XAF1: variants seen among roughly 807,000 people sequenced by gnomAD.
XAF1 encodes the protein XIAP-associated factor 1.
Under a neutral mutation model 32.3 loss-of-function variants are expected in XAF1, and 32 were observed. That is an observed-to-expected ratio of 0.99 (90% CI 0.75 to 1.33). The LOEUF is 1.33. XAF1 is among the 40% of genes most tolerant of loss of function. The probability of loss-of-function intolerance (pLI) is 0.00; values close to 1 mark genes in which losing one functional copy is unlikely to be tolerated. For missense variants in XAF1, 379 were observed against 366.0 expected (o/e 1.04, Z -0.29); for synonymous variants, 120 against 125.9 (o/e 0.95, Z 0.31).
At chr17:6,759,890 G>A in intron 3 of XAF1, 172 bp downstream of exon 3, 2 of 1,117,872 alleles carry the variant, frequency 1.8e-6, no homozygotes, top group Non-Finnish European at 2.6e-6. Flanking sequence ...AGGTTCTCCT[G>A]TCCCCCAGAT....
chr17:6,758,000 G>T, intron 1 of XAF1, 89 bp from the exon 2 acceptor site: 1 of 1,571,932 alleles, frequency 6.4e-7, no homozygotes, highest in Admixed American at 1.7e-5. Context: ...AAGGCCTCTG[G>T]AGATCTAGCC....
rs573015263 is a variant in XAF1 at position 6,770,515 on chromosome 17, C to A, written c.508-128C>A. 19 of 750,736 alleles carry A rather than the reference C, an allele frequency of 2.5e-5. No homozygotes were observed. The Admixed American group carries it at 6.0e-4, about 24-fold the overall frequency. 46.5% of individuals were successfully genotyped at this position (750,736 alleles called of 1,614,324 possible). A position where few individuals can be genotyped will look rare whatever the true frequency, so the allele number is the denominator to read the frequency against. Reference sequence around the variant, plus strand: ...CAAAGCCAGCTATTAAATTGAATGTCTGTCACATTTTATACACCATATAAA... The same window carrying A: ...CAAAGCCAGCTATTAAATTGAATGTATGTCACATTTTATACACCATATAAA... On this transcript the variant is annotated intron_variant, in intron 5 of 6. Transcript: ENST00000361842.
At chr17:6,773,073 A>G in intron 6 of XAF1, 40 bp from the exon 7 acceptor site, 2 of 1,555,314 alleles carry the variant, frequency 1.3e-6, no homozygotes, top group Non-Finnish European at 1.8e-6. Flanking sequence ...AGCACTTCTT[A>G]CTTTAACCAT....
At chr17:6,756,141 C>A in intron 1 of XAF1, 31 bp downstream of exon 1, 1 of 1,613,772 alleles carries the variant, frequency 6.2e-7, no homozygotes, top group Non-Finnish European at 8.5e-7. Flanking sequence ...GCGGCAGACC[C>A]GGGCTGGCGA....
chr17:6,765,762 C>T lies in XAF1; in HGVS notation c.507+3522C>T, dbSNP rs77994983. ...CCAGATGCTGCAGCAGTCTCCTAAA[C>T]GGTCTTCCTACTTCTCACCTTGCCC... On this transcript the variant is annotated intron_variant, in intron 5 of 6. Coordinates refer to ENST00000361842, the MANE Select transcript of XAF1 (RefSeq NM_017523.5). 5.8e-3 allele frequency among the ~76,000 whole-genome samples: 882 copies of T among 152,312 alleles called. 6 individuals carry two copies. The highest frequency in any genetic ancestry group is 9.2e-3 in the Non-Finnish European group (626 of 68,030).
intron 5 of XAF1, among the ~76,000 whole-genome samples, chr17:6,767,543 CTTTG>C (rs904977975): frequency 1.5e-4 from 23 of 152,284 alleles, no homozygotes; most frequent in East Asian, 1.3e-3. Context: ...TTGAACTATA[CTTTG>C]TTTGTTTTCT....
chr17:6,755,649 A>T, upstream of XAF1: 1 of 1,031,818 alleles, frequency 9.7e-7, no homozygotes, highest in Non-Finnish European at 1.2e-6. Flanking sequence ...CAAGCTCAAC[A>T]TGGCAAGTTC....
chr17:6,770,873 G>C lies in XAF1; in HGVS notation c.738G>C (p.Glu246Asp). The change falls in exon 6 of 7, where the codon GAG (glutamate) becomes GAC (aspartate). Residue 246 changes from glutamate to aspartate, a missense_variant. Physicochemically the swap from Glu to Asp is conservative, Grantham distance 45. Coordinates refer to ENST00000361842, the MANE Select transcript of XAF1 (RefSeq NM_017523.5). Reference protein sequence around the residue: ...NKTLDPLLMSEPKPRTSSPRG... With the variant: ...NKTLDPLLMSDPKPRTSSPRG... ...CCTTGGATCCACTTTTGATGTCAGA[G>C]CCCAAGCCCAGGACCAGCTCCCCTA... The C allele has an allele frequency of 6.2e-7, 1 of 1,614,116 alleles. No homozygotes were observed.
At chr17:6,760,176 C>T (rs1323689129) in intron 3 of XAF1, among the ~76,000 whole-genome samples, 6 of 151,986 alleles carry the variant, frequency 3.9e-5, no homozygotes, top group Admixed American at 2.6e-4. Flanking sequence ...GGTGAAACCC[C>T]GTCTCTACTA....
chr17:6,762,144 T>C lies in XAF1; in HGVS notation c.422-11T>C. ...ACAATCATTTGTGGTGTTGTTTCTC[T>C]GCTTATTCAGGGGAAAGAATTTCAG... On this transcript the variant is annotated splice_polypyrimidine_tract_variant and intron_variant, in intron 4 of 6. Coordinates refer to ENST00000361842, the MANE Select transcript of XAF1 (RefSeq NM_017523.5). 2 of 1,612,708 alleles carry C rather than the reference T, an allele frequency of 1.2e-6. No homozygotes were observed. The highest frequency in any genetic ancestry group is 1.3e-5 in the African/African-American group (1 of 75,004).
At chr17:6,768,847 G>T (rs1975810672) in intron 5 of XAF1, among the ~76,000 whole-genome samples, 1 of 152,098 alleles carries the variant, frequency 6.6e-6, no homozygotes, top group Non-Finnish European at 1.5e-5. Flanking sequence ...GTACTCAAAT[G>T]TGTTTGCTTT....
intron 6 of XAF1, chr17:6,771,889 T>C (rs930702865): frequency 6.6e-6 from 1 of 152,234 alleles, no homozygotes; most frequent in African/African-American, 2.4e-5. Context: ...GGGCATCTTT[T>C]CAAAGCTCTA....
At position 6,770,785 on chromosome 17, in the gene XAF1, T is replaced by A. The variant is rs753072088; in HGVS notation, c.650T>A (p.Ile217Lys). ...GATGTTCGTCCAAAGACAAGAAGTA[T>A]AAACAGATTTCCTCTTCATTCTGAA... is the stretch of plus-strand genomic sequence containing the variant. ...EKDVRPKTRSINRFPLHSESS... is the reference protein window; with the variant it reads ...EKDVRPKTRSKNRFPLHSESS... Residue 217 changes from isoleucine (I) to lysine (K), a missense_variant, in exon 6 of 7, where the codon ATA becomes AAA. Coordinates refer to ENST00000361842, the MANE Select transcript of XAF1 (RefSeq NM_017523.5). The A allele has an allele frequency of 5.0e-6, 8 of 1,613,906 alleles. No individual in the cohort carries two copies. Among genetic ancestry groups the A allele is most frequent in the Non-Finnish European group, 6.8e-6 (8 of 1,180,008 alleles).
chr17:6,755,963 A>G (rs1327270511), upstream of XAF1: 8 of 1,588,954 alleles, frequency 5.0e-6, no homozygotes, highest in African/African-American at 1.1e-4. Context: ...TGAGCCGAGA[A>G]TTCTGAAGAT....
intron 6 of XAF1, among the ~76,000 whole-genome samples, chr17:6,772,620 G>T (rs984839169): frequency 6.6e-6 from 1 of 151,590 alleles, no homozygotes; most frequent in Non-Finnish European, 1.5e-5. Flanking sequence ...ACAGGCACCC[G>T]CCACCACACC....
chr17:6,769,728 G>T (rs1292266016), intron 5 of XAF1, among the ~76,000 whole-genome samples: 1 of 152,118 alleles, frequency 6.6e-6, no homozygotes, highest in African/African-American at 2.4e-5. Flanking sequence ...GATTGCTTCT[G>T]CCAGACATCT....
chr17:6,770,112 C>G (rs1377440332), intron 5 of XAF1, among the ~76,000 whole-genome samples: 1 of 152,284 alleles, frequency 6.6e-6, no homozygotes, highest in Non-Finnish European at 1.5e-5. Context: ...TTAACCAGTC[C>G]ATTTGTGCTG....
chr17:6,759,714 A>G lies in XAF1; in HGVS notation c.221A>G (p.His74Arg). The change falls in exon 3 of 7, where the codon CAT (histidine) becomes CGT (arginine). Residue 74 changes from histidine (H) to arginine (R), a missense_variant. Transcript: ENST00000361842. ...ATGCAGAAGTCCTCGCTGGAGTTTC[A>G]TAAGGTAAGAGCCCCATGTGATTTC... Reference protein sequence around the residue: ...QSMQKSSLEFHKANECQERPV... With the variant: ...QSMQKSSLEFRKANECQERPV... The G allele has an allele frequency of 6.2e-7, 1 of 1,614,060 alleles. No homozygotes were observed.
At chr17:6,762,016 A>G (rs1043978655) in intron 4 of XAF1, 139 bp from the exon 5 acceptor site, 13 of 1,542,166 alleles carry the variant, frequency 8.4e-6, no homozygotes, top group Non-Finnish European at 1.1e-5. Flanking sequence ...GGATGCCGGC[A>G]GCGCAGGAAA....
Sources: allele counts gnomAD v4.1 joint callset (sites outside exome capture counted in the v4.1 genomes callset), GRCh38; gene constraint gnomAD v4.1.1; transcripts MANE v1.5; gene names NCBI Gene and HGNC (gene_info 2026-07-23, HGNC 2026-07-21).